Variants in FUT8 observed in about 807,000 individuals in gnomAD.
FUT8 encodes the protein fucosyltransferase 8, also known as alpha-(1,6)-fucosyltransferase.
Under a neutral mutation model 71.3 loss-of-function variants are expected in FUT8, and 29 were observed. That is an observed-to-expected ratio of 0.41 (90% CI 0.30 to 0.55). The LOEUF (loss-of-function observed/expected upper bound fraction) is 0.55, where lower values mean the gene tolerates loss of function less well. FUT8 is among the 20% of genes least tolerant of loss of function. The probability of loss-of-function intolerance (pLI) is 0.34; values close to 1 mark genes in which losing one functional copy is unlikely to be tolerated. For missense variants in FUT8, 544 were observed against 702.1 expected, an observed-to-expected ratio of 0.77 and a Z score of 2.55; for synonymous variants, 254 against 239.3, an observed-to-expected ratio of 1.06 and a Z score of -0.57.
rs182232144 is a variant in FUT8, at chr14:65,680,014, G to C, written c.835+10534G>C. 4.6e-5 allele frequency among the ~76,000 whole-genome samples: 7 copies of C among 152,282 alleles called. No individual in the cohort carries two copies. In the South Asian group the frequency reaches 6.2e-4, roughly 14 times the overall value. On this transcript the variant is annotated intron_variant, in intron 7 of 10. Transcript: ENST00000673929. ...GTATATGGCCCACTGTATTAGTCAG[G>C]GTTCTTCAGACAAACTGAACCAATA...
intron 5 of FUT8, among the ~76,000 whole-genome samples, chr14:65,623,186 C>T (rs913107452): frequency 4.6e-5 from 7 of 152,142 alleles, no homozygotes; most frequent in African/African-American, 1.7e-4. Context: ...CCACCACGCC[C>T]GACCAAACTT....
chr14:65,602,960 T>C (rs1888387155), intron 3 of FUT8, among the ~76,000 whole-genome samples: 1 of 151,986 alleles, frequency 6.6e-6, no homozygotes, highest in African/African-American at 2.4e-5. Flanking sequence ...TTGTGTTTAT[T>C]CTGCTGACTG....
At chr14:65,623,221 C>T (rs61987996) in intron 5 of FUT8, among the ~76,000 whole-genome samples, 9,185 of 152,068 alleles carry the variant, frequency 0.06, 326 homozygotes, top group Admixed American at 0.11. Flanking sequence ...TTGAATCAGG[C>T]GTAAACAAAA....
intron 1 of FUT8, among the ~76,000 whole-genome samples, chr14:65,439,954 G>GTGTATATGTA: frequency 2.7e-5 from 2 of 74,974 alleles, no homozygotes; most frequent in South Asian, 1.2e-3. Flanking sequence ...GTGTGTGTGT[G>GTGTATATGTA]TATATATATA....
Position 65,422,534 on chromosome 14 carries a change from A to C in FUT8, c.-326+9320A>C, listed in dbSNP as rs200057032. Among the ~76,000 whole-genome samples, 6 of 152,062 alleles carry C rather than the reference A, an allele frequency of 3.9e-5. No individual in the cohort carries two copies. The South Asian group carries it at 1.0e-3, about 26-fold the overall frequency. ...TTTTTAAGAGATAGGGTCTTGCTCA[A>C]TTGCCCAGGCTGACATGCAAATGGC... On this transcript the variant is annotated intron_variant, in intron 1 of 10. Transcript: ENST00000673929.
the FUT8 span, among the ~76,000 whole-genome samples, chr14:65,374,834 T>G: frequency 5.9e-5 from 9 of 151,772 alleles, no homozygotes; most frequent in African/African-American, 2.2e-4. Context: ...ACTCCTGACC[T>G]CGTGATCCAC....
chr14:65,529,045 G>T, intron 2 of FUT8: 1 of 161,542 alleles, frequency 6.2e-6, no homozygotes. Flanking sequence ...TAATGTCTGA[G>T]GTATTTATTC....
chr14:65,406,661 A>G (rs2065089986), upstream of FUT8, among the ~76,000 whole-genome samples: 1 of 152,034 alleles, frequency 6.6e-6, no homozygotes, highest in African/African-American at 2.4e-5. Flanking sequence ...TGAGCCTTCC[A>G]AGTAGCTGAG....
intron 2 of FUT8, among the ~76,000 whole-genome samples, chr14:65,556,670 T>G (rs555144315): frequency 3.2e-4 from 48 of 152,288 alleles, no homozygotes; most frequent in African/African-American, 9.9e-4. Context: ...AGGGCATGAA[T>G]AGTGGACGCA....
rs541052580 is a variant in FUT8, at chr14:65,656,662, C to A, written c.598-12581C>A. Among the ~76,000 whole-genome samples, 194 of 152,174 alleles carry A rather than the reference C, an allele frequency of 1.3e-3. No homozygotes were observed. The South Asian group carries it at 0.016, about 12-fold the overall frequency. ...AAACTTACATGGAATCACAAAAAAA[C>A]CAGAATAGTCAAAGCTATCCTGAGC... On this transcript the variant is annotated intron_variant, in intron 6 of 10. Transcript: ENST00000673929.
chr14:65,447,302 A>C (rs2065757147), intron 1 of FUT8, among the ~76,000 whole-genome samples: 1 of 151,800 alleles, frequency 6.6e-6, no homozygotes, highest in African/African-American at 2.4e-5. Flanking sequence ...AAAAAAAAAA[A>C]AAAAACCCAA....
At position 65,692,221 on chromosome 14, in the gene FUT8, A is replaced by G. The variant is rs1420227788; in HGVS notation, c.835+22741A>G. Reference sequence around the variant, plus strand: ...CACCTCCCGGACGGGGCGGCTGGCCAGGCGGGGGGCTGACCCCCCCACCTC... The same window carrying G: ...CACCTCCCGGACGGGGCGGCTGGCCGGGCGGGGGGCTGACCCCCCCACCTC... On this transcript the variant is annotated intron_variant, in intron 7 of 10. Transcript: ENST00000673929. Among the ~76,000 whole-genome samples the G allele has an allele frequency of 2.6e-3, 348 of 135,186 alleles. 2 individuals are homozygous for G. Among genetic ancestry groups the G allele is most frequent in the Middle Eastern group, 8.5e-3 (2 of 234 alleles). 88.7% of individuals were successfully genotyped at this position (135,186 alleles called of 152,430 possible).
intron 9 of FUT8, among the ~76,000 whole-genome samples, chr14:65,725,703 G>A (rs563773906): frequency 1.3e-5 from 2 of 152,254 alleles, no homozygotes; most frequent in African/African-American, 4.8e-5. Flanking sequence ...GTAGTTAAAT[G>A]CCCAGTAAAT....
upstream of FUT8, among the ~76,000 whole-genome samples, chr14:65,406,318 C>A (rs1201673331): frequency 6.6e-6 from 1 of 152,184 alleles, no homozygotes; most frequent in Non-Finnish European, 1.5e-5. Context: ...AACCAGAGCT[C>A]AGAGAGGTTA....
chr14:65,496,048 C>T (rs973495298), intron 2 of FUT8, among the ~76,000 whole-genome samples: 5 of 151,968 alleles, frequency 3.3e-5, no homozygotes, highest in South Asian at 2.1e-4. Flanking sequence ...AAAAAAATCA[C>T]GTTAAATAGA....
At chr14:65,464,865 T>C (rs2066018947) in intron 2 of FUT8, among the ~76,000 whole-genome samples, 1 of 152,236 alleles carries the variant, frequency 6.6e-6, no homozygotes, top group Admixed American at 6.5e-5. Flanking sequence ...TTAGAAGTGC[T>C]CACTCTGCTT....
chr14:65,693,325 C>T (rs546200231), intron 7 of FUT8, among the ~76,000 whole-genome samples: 19 of 152,314 alleles, frequency 1.2e-4, no homozygotes, highest in African/African-American at 2.9e-4. Flanking sequence ...GCCAACACAG[C>T]GAAACCCCGT....
chr14:65,664,123 T>C (rs1336205657), intron 6 of FUT8, among the ~76,000 whole-genome samples: 2 of 152,104 alleles, frequency 1.3e-5, no homozygotes, highest in Admixed American at 6.6e-5. Context: ...AGGGACATTT[T>C]CTTTTTCATT....
At chr14:65,491,284 G>A (rs2066478676) in intron 2 of FUT8, among the ~76,000 whole-genome samples, 1 of 152,120 alleles carries the variant, frequency 6.6e-6, no homozygotes, top group African/African-American at 2.4e-5. Context: ...CATATTCAGA[G>A]AAGTGCAGTG....
Sources: allele counts gnomAD v4.1 joint callset (sites outside exome capture counted in the v4.1 genomes callset), GRCh38; gene constraint gnomAD v4.1.1; transcripts MANE v1.5; gene names NCBI Gene and HGNC (gene_info 2026-07-23, HGNC 2026-07-21).